LRMDA: variants seen among roughly 807,000 people sequenced by gnomAD.
The protein encoded by LRMDA is leucine-rich melanocyte differentiation-associated protein.
Under a neutral mutation model 29.8 loss-of-function variants are expected in LRMDA, and 18 were observed. The ratio of observed to expected loss-of-function variants is 0.60; its 90% CI spans 0.42 to 0.90. The LOEUF is 0.90. Ranked by LOEUF, LRMDA falls within the 40% of genes least tolerant of loss-of-function variation. The probability of loss-of-function intolerance (pLI) is 0.00; values close to 1 mark genes in which losing one functional copy is unlikely to be tolerated. For missense variants in LRMDA, 273 were observed against 273.9 expected (o/e 1.00, Z 0.02); for synonymous variants, 125 against 109.4 (o/e 1.14, Z -0.89).
chr10:76,271,227 G>A (rs1267229978), intron 5 of LRMDA, among the ~76,000 whole-genome samples: 1 of 152,130 alleles, frequency 6.6e-6, no homozygotes, highest in Non-Finnish European at 1.5e-5. Context: ...GAGCCACATG[G>A]CAAAACTCCA....
At chr10:76,417,267 T>C (rs1289698364) in intron 6 of LRMDA, among the ~76,000 whole-genome samples, 1 of 152,166 alleles carries the variant, frequency 6.6e-6, no homozygotes, top group African/African-American at 2.4e-5. Flanking sequence ...TTTATATCTG[T>C]TTTATTAGCA....
At chr10:76,016,409 C>T (rs1204740198) in intron 2 of LRMDA, among the ~76,000 whole-genome samples, 1 of 149,114 alleles carries the variant, frequency 6.7e-6, no homozygotes, top group Non-Finnish European at 1.5e-5. Flanking sequence ...AGTTTTTAAT[C>T]TGTTTTCCTT....
At chr10:76,501,987 G>A (rs564450137) in intron 6 of LRMDA, among the ~76,000 whole-genome samples, 1 of 151,722 alleles carries the variant, frequency 6.6e-6, no homozygotes, top group Admixed American at 6.6e-5. Flanking sequence ...TTTTTATAGT[G>A]TGAGGTCTTA....
At chr10:75,679,402 G>A (rs866442122) in intron 2 of LRMDA, among the ~76,000 whole-genome samples, 4 of 152,066 alleles carry the variant, frequency 2.6e-5, no homozygotes, top group Non-Finnish European at 5.9e-5. Flanking sequence ...GAAGTAACTT[G>A]CCAAAGGTAA....
intron 6 of LRMDA, among the ~76,000 whole-genome samples, chr10:76,513,910 C>G (rs567912686): frequency 7.2e-5 from 11 of 152,206 alleles, no homozygotes; most frequent in African/African-American, 2.4e-4. Context: ...CCCAAAGGGT[C>G]CATGTATTAC....
chr10:75,649,661 G>A (rs532710017), intron 2 of LRMDA, among the ~76,000 whole-genome samples: 2 of 152,132 alleles, frequency 1.3e-5, no homozygotes, highest in African/African-American at 2.4e-5. Flanking sequence ...GTTCTTTTGG[G>A]TGTATACCCA....
chr10:75,855,938 G>A (rs1235405004), intron 2 of LRMDA, among the ~76,000 whole-genome samples: 13 of 152,088 alleles, frequency 8.5e-5, no homozygotes, highest in African/African-American at 3.1e-4. Context: ...CTGTTTTGGT[G>A]CCAGTACCAT....
intron 2 of LRMDA, among the ~76,000 whole-genome samples, chr10:75,919,551 A>C (rs1227469999): frequency 6.6e-6 from 1 of 152,094 alleles, no homozygotes; most frequent in African/African-American, 2.4e-5. Flanking sequence ...CAGTGTTCTA[A>C]GATGTAGAGA....
chr10:76,346,104 A>G (rs543048603), intron 6 of LRMDA, among the ~76,000 whole-genome samples: 2 of 152,348 alleles, frequency 1.3e-5, no homozygotes, highest in East Asian at 1.9e-4. Flanking sequence ...GTATACACAC[A>G]TGCAGACACA....
At chr10:76,504,624 T>G (rs954538063) in intron 6 of LRMDA, among the ~76,000 whole-genome samples, 48 of 152,096 alleles carry the variant, frequency 3.2e-4, no homozygotes, top group African/African-American at 1.1e-3. Flanking sequence ...GATATAAGAA[T>G]AGTGAGTAGT....
At chr10:75,570,082 T>C (rs1044008578) in intron 2 of LRMDA, among the ~76,000 whole-genome samples, 3 of 152,216 alleles carry the variant, frequency 2.0e-5, no homozygotes, top group Non-Finnish European at 2.9e-5. Flanking sequence ...TTTGCACTCA[T>C]GGCCCAATAG....
chr10:76,294,497 A>G (rs1033173026), intron 5 of LRMDA, among the ~76,000 whole-genome samples: 18 of 152,180 alleles, frequency 1.2e-4, no homozygotes, highest in African/African-American at 3.9e-4. Context: ...TTTTAACTTC[A>G]GACTTGAATT....
At chr10:76,476,594 TA>T (rs1358177909) in intron 6 of LRMDA, among the ~76,000 whole-genome samples, 1 of 151,380 alleles carries the variant, frequency 6.6e-6, no homozygotes, top group Non-Finnish European at 1.5e-5. Context: ...AGAGACACAA[TA>T]AAAAAAGAGA....
chr10:76,280,203 G>T (rs559801926), intron 5 of LRMDA, among the ~76,000 whole-genome samples: 2 of 152,300 alleles, frequency 1.3e-5, no homozygotes, highest in African/African-American at 2.4e-5. Flanking sequence ...AGGAAAAACT[G>T]AAAAGCAATT....
At chr10:76,272,277 T>C (rs1840077391) in intron 5 of LRMDA, among the ~76,000 whole-genome samples, 1 of 152,186 alleles carries the variant, frequency 6.6e-6, no homozygotes. Context: ...GTAAACTGAA[T>C]TTAAATCCTC....
chr10:75,644,569 C>T (rs148706469), intron 2 of LRMDA, among the ~76,000 whole-genome samples: 1 of 152,202 alleles, frequency 6.6e-6, no homozygotes, highest in East Asian at 1.9e-4. Flanking sequence ...AATAAATAAA[C>T]AGGCTTCATT....
chr10:75,564,237 G>C (rs543565727), intron 2 of LRMDA, among the ~76,000 whole-genome samples: 1 of 152,316 alleles, frequency 6.6e-6, no homozygotes, highest in East Asian at 1.9e-4. Flanking sequence ...CTGGGCAATG[G>C]TGGGCGCCCC....
chr10:75,473,921 T>C (rs1844757533), intron 2 of LRMDA, among the ~76,000 whole-genome samples: 2 of 152,168 alleles, frequency 1.3e-5, no homozygotes, highest in South Asian at 4.1e-4. Context: ...TAAAACATCT[T>C]AGGCTCTATC....
chr10:76,032,325 C>G (rs1430489387), intron 2 of LRMDA, among the ~76,000 whole-genome samples: 1 of 152,182 alleles, frequency 6.6e-6, no homozygotes, highest in African/African-American at 2.4e-5. Flanking sequence ...CTGGCCTGGG[C>G]AGGGCTGCAC....
Sources: gnomAD v4.1 joint callset for allele counts (sites outside exome capture counted in the v4.1 genomes callset) on GRCh38, gnomAD v4.1.1 for gene constraint, MANE v1.5 for transcripts, NCBI Gene and HGNC (gene_info 2026-07-23, HGNC 2026-07-21) for gene names.